Variants in ZBTB44 observed in about 807,000 individuals in gnomAD.
ZBTB44 encodes the protein zinc finger and BTB domain containing 44.
Under a neutral mutation model 54.0 loss-of-function variants are expected in ZBTB44, and 15 were observed. That is an observed-to-expected ratio of 0.28 (90% confidence interval 0.19 to 0.43). The LOEUF is 0.43. Ranked by LOEUF, ZBTB44 falls within the 20% of genes least tolerant of loss-of-function variation. The pLI, the probability that ZBTB44 is intolerant of heterozygous loss-of-function variation, is 1.00. For missense variants in ZBTB44, 487 were observed against 707.1 expected (o/e 0.69, Z 3.53); for synonymous variants, 230 against 250.1 (o/e 0.92, Z 0.76).
At chr11:130,301,377 A>G (rs76298558) in intron 1 of ZBTB44, among the ~76,000 whole-genome samples, 9,522 of 152,306 alleles carry the variant, frequency 0.063, 741 homozygotes, top group African/African-American at 0.18. Context: ...GTGGAGGCCG[A>G]GTATGCTGGC....
intron 1 of ZBTB44, among the ~76,000 whole-genome samples, chr11:130,275,564 TTG>T (rs2134227326): frequency 6.6e-6 from 1 of 152,356 alleles, no homozygotes; most frequent in Non-Finnish European, 1.5e-5. Flanking sequence ...TACCACATAT[TTG>T]TGAGCTTCTC....
intron 1 of ZBTB44, among the ~76,000 whole-genome samples, chr11:130,312,451 A>T (rs1198473681): frequency 6.6e-6 from 1 of 152,238 alleles, no homozygotes; most frequent in African/African-American, 2.4e-5. Flanking sequence ...TTCTTGCCAA[A>T]GGAAGTTTTA....
Position 130,296,808 on chromosome 11 carries a change from G to A in ZBTB44, c.-57+17567C>T. 4 of 751,852 alleles carry A rather than the reference G, an allele frequency of 5.3e-6. 1 individual carries two copies. The South Asian group carries it at 5.5e-5, about 10-fold the overall frequency. The allele number at this position is 751,852 out of a possible 1,614,324, so 46.6% of individuals were successfully genotyped here. The stretch of plus-strand genomic sequence containing the variant: ...GGAAGCATATAAGTCATACATATGA[G>A]GTTATGATTCCCATTCTCTGAAACA... On this transcript the variant is annotated intron_variant, in intron 1 of 7. Transcript: ENST00000357899.
chr11:130,238,691 A>G, intron 3 of ZBTB44, 84 bp from the exon 4 acceptor site: 1 of 1,323,374 alleles, frequency 7.6e-7, no homozygotes, highest in Non-Finnish European at 9.9e-7. Flanking sequence ...TTAAATGAAA[A>G]AAGATAAAAC....
At chr11:130,306,854 G>C (rs925106522) in intron 1 of ZBTB44, among the ~76,000 whole-genome samples, 33 of 152,000 alleles carry the variant, frequency 2.2e-4, no homozygotes, top group Admixed American at 1.7e-3. Context: ...GGACGCAAAA[G>C]CATATGAAGG....
chr11:130,275,556 C>A (rs976878094), intron 1 of ZBTB44, among the ~76,000 whole-genome samples: 2 of 152,226 alleles, frequency 1.3e-5, no homozygotes, highest in East Asian at 3.9e-4. Flanking sequence ...TGTTTAATTA[C>A]CACATATTTG....
intron 1 of ZBTB44, chr11:130,295,744 T>C: frequency 6.5e-7 from 1 of 1,532,820 alleles, no homozygotes. Context: ...GGTAAAACCC[T>C]GGCTTTTCTC....
chr11:130,296,176 G>T (rs1941630492), intron 1 of ZBTB44: 2 of 1,357,390 alleles, frequency 1.5e-6, no homozygotes, highest in African/African-American at 2.9e-5. Flanking sequence ...GGTTGGCAAG[G>T]ATTTCTCTGA....
intron 2 of ZBTB44, among the ~76,000 whole-genome samples, chr11:130,242,201 G>C (rs1954397285): frequency 6.6e-6 from 1 of 151,914 alleles, no homozygotes; most frequent in Admixed American, 6.6e-5. Flanking sequence ...CTTTGTATTG[G>C]TTGCCTTAGA....
intron 1 of ZBTB44, among the ~76,000 whole-genome samples, chr11:130,281,642 T>C (rs1940527487): frequency 6.6e-6 from 1 of 151,948 alleles, no homozygotes; most frequent in Non-Finnish European, 1.5e-5. Context: ...TCACCCCGGC[T>C]AGAGTGCAGT....
rs1255940761 is a variant in ZBTB44, at chr11:130,314,519, G to T, written c.-201C>A. On this transcript the variant is annotated 5_prime_UTR_variant, in exon 1 of 8. The change creates a new upstream start codon in the 5' untranslated region. Transcript: ENST00000357899. ...CCTCTCTCCTCCCCCGGGAGGCTCA[G>T]GGGCCCCTATCTCGGGCCGCCGCGC... is the stretch of plus-strand genomic sequence containing the variant. The T allele has an allele frequency of 6.6e-6, 1 of 152,000 alleles. No homozygotes were observed. Among genetic ancestry groups the T allele is most frequent in the East Asian group, 2.0e-4 (1 of 5,008 alleles). The allele number at this position is 152,000 out of a possible 1,614,324, so 9.4% of individuals were successfully genotyped here.
chr11:130,298,899 C>T (rs958283524), intron 1 of ZBTB44, among the ~76,000 whole-genome samples: 1 of 151,666 alleles, frequency 6.6e-6, no homozygotes, highest in African/African-American at 2.4e-5. Context: ...GCTTGGGAAA[C>T]ATGGTGAAAC....
At chr11:130,288,610 G>A (rs961296283) in intron 1 of ZBTB44, among the ~76,000 whole-genome samples, 1 of 151,110 alleles carries the variant, frequency 6.6e-6, no homozygotes, top group Non-Finnish European at 1.5e-5. Flanking sequence ...TAAAAATCAG[G>A]ACACAGGCCT....
chr11:130,266,166 C>G (rs112546850), intron 1 of ZBTB44, among the ~76,000 whole-genome samples: 1 of 152,200 alleles, frequency 6.6e-6, no homozygotes, highest in African/African-American at 2.4e-5. Flanking sequence ...TCTGAAAATC[C>G]TAGACCCCTT....
intron 1 of ZBTB44, among the ~76,000 whole-genome samples, chr11:130,271,259 A>G (rs941223146): frequency 5.9e-5 from 9 of 152,234 alleles, no homozygotes; most frequent in Non-Finnish European, 4.4e-5. Flanking sequence ...ATCAGTATGA[A>G]ATGATAATGT....
intron 1 of ZBTB44, among the ~76,000 whole-genome samples, chr11:130,287,328 G>A (rs1263823432): frequency 6.6e-6 from 1 of 152,128 alleles, no homozygotes; most frequent in Non-Finnish European, 1.5e-5. Context: ...ATAAATCAAA[G>A]TCATTTCTCA....
intron 2 of ZBTB44, among the ~76,000 whole-genome samples, chr11:130,250,797 C>T (rs1937936027): frequency 6.6e-6 from 1 of 152,170 alleles, no homozygotes; most frequent in South Asian, 2.1e-4. Context: ...GGTCACCAGC[C>T]TCAAAGATCA....
intron 1 of ZBTB44, among the ~76,000 whole-genome samples, chr11:130,287,588 T>C (rs1014371556): frequency 6.6e-6 from 1 of 152,180 alleles, no homozygotes; most frequent in Non-Finnish European, 1.5e-5. Context: ...TCTGCTCCCA[T>C]AAATGGGATC....
intron 3 of ZBTB44, chr11:130,239,577 T>A (rs1263524683): frequency 6.6e-6 from 2 of 303,992 alleles, no homozygotes; most frequent in African/African-American, 2.2e-5. Flanking sequence ...TTGCCAACAC[T>A]TGGTACAGAT....
Sources: allele counts gnomAD v4.1 joint callset (sites outside exome capture counted in the v4.1 genomes callset), GRCh38; gene constraint gnomAD v4.1.1; transcripts MANE v1.5; gene names NCBI Gene and HGNC (gene_info 2026-07-23, HGNC 2026-07-21).